The following ZNHIT6 variants were observed in gnomAD, a reference collection of about 807,000 sequenced individuals.
The protein encoded by ZNHIT6 is zinc finger HIT-type containing 6.
In ZNHIT6, 45 loss-of-function variants were observed where a neutral mutation model predicts 57.2. That is an observed-to-expected ratio of 0.79 (90% CI 0.62 to 1.01). The LOEUF is 1.01. ZNHIT6 is among the 50% of genes least tolerant of loss of function. The pLI is 0.00. For synonymous variants in ZNHIT6, 188 were observed against 190.0 expected (o/e 0.99, Z 0.09); for missense variants, 528 against 567.3 (o/e 0.93, Z 0.70).
At chr1:85,667,985 T>TATGC (rs1223836311) in intron 8 of ZNHIT6, among the ~76,000 whole-genome samples, 3 of 99,644 alleles carry the variant, frequency 3.0e-5, no homozygotes, top group Non-Finnish European at 5.8e-5. Context: ...TATATATATA[T>TATGC]GCTCTGCTTT....
At chr1:85,697,424 G>A (rs903811346) in intron 5 of ZNHIT6, among the ~76,000 whole-genome samples, 2 of 152,134 alleles carry the variant, frequency 1.3e-5, no homozygotes, top group Non-Finnish European at 2.9e-5. Context: ...CCACCTGGAT[G>A]TTATTTAGTA....
intron 8 of ZNHIT6, among the ~76,000 whole-genome samples, chr1:85,664,647 G>A (rs1011614964): frequency 6.6e-6 from 1 of 152,044 alleles, no homozygotes; most frequent in South Asian, 2.1e-4. Context: ...GGAGGGAAAG[G>A]AGCAGAAAGA....
At chr1:85,702,932 A>G (rs1662577970) in intron 4 of ZNHIT6, among the ~76,000 whole-genome samples, 1 of 152,200 alleles carries the variant, frequency 6.6e-6, no homozygotes, top group Admixed American at 6.5e-5. Context: ...TCACTCAAAT[A>G]AGAGGCAAAA....
rs1034357478 is a variant in ZNHIT6 at position 85,708,021 on chromosome 1, T to A, written c.264A>T (p.Thr88=). 3 of 1,614,180 alleles carry A rather than the reference T, an allele frequency of 1.9e-6. No individual in the cohort carries two copies. The highest frequency in any genetic ancestry group is 2.5e-6 in the Non-Finnish European group (3 of 1,180,034). The change falls in exon 1 of 10, where the codon ACA becomes ACT. Residue 88 remains threonine (T), a synonymous_variant. Transcript: ENST00000370574. The stretch of plus-strand genomic sequence containing the variant: ...CCCACTGGCCAGCCAACCTGCCTTC[T>A]GTACCTGGCCAGTCTATAATTTCCT... ...VKQEIIDWPG[T]EGRLAGQWVE...
chr1:85,689,385 G>A (rs907797243), intron 5 of ZNHIT6, among the ~76,000 whole-genome samples: 3 of 152,082 alleles, frequency 2.0e-5, no homozygotes, highest in Non-Finnish European at 4.4e-5. Context: ...CATGATAAGT[G>A]TTTTTTGGAA....
At chr1:85,695,108 C>CA (rs1480688645) in intron 5 of ZNHIT6, among the ~76,000 whole-genome samples, 6 of 151,804 alleles carry the variant, frequency 4.0e-5, no homozygotes, top group Non-Finnish European at 8.8e-5. Flanking sequence ...TACTAAAACA[C>CA]AAAAAAATTA....
chr1:85,684,607 A>G (rs1009426390), intron 5 of ZNHIT6, among the ~76,000 whole-genome samples: 2 of 152,200 alleles, frequency 1.3e-5, no homozygotes, highest in Admixed American at 6.5e-5. Context: ...AGGAAAATAA[A>G]TATTTTATAC....
intron 7 of ZNHIT6, among the ~76,000 whole-genome samples, chr1:85,677,911 A>G (rs551891852): frequency 5.9e-5 from 9 of 152,168 alleles, no homozygotes; most frequent in Non-Finnish European, 1.3e-4. Flanking sequence ...TCACACTCTA[A>G]TAACAATCTC....
Position 85,665,907 on chromosome 1 carries a change from T to C in ZNHIT6, c.1248-7936A>G, listed in dbSNP as rs551057061. ...GCAGGAACTTACAACCCAGTCTTTT[T>C]TGTCTTCCAGTTAAGTATACTGAAG... On this transcript the variant is annotated intron_variant, in intron 8 of 9. Coordinates refer to ENST00000370574, the MANE Select transcript of ZNHIT6 (RefSeq NM_017953.4). Among the ~76,000 whole-genome samples, 106 of 152,312 alleles carry C rather than the reference T, an allele frequency of 7.0e-4. 3 individuals are homozygous for C. The South Asian group carries it at 0.021, about 30-fold the overall frequency.
At chr1:85,679,569 T>TTG (rs1553156739) in intron 6 of ZNHIT6, among the ~76,000 whole-genome samples, 19 of 150,854 alleles carry the variant, frequency 1.3e-4, no homozygotes, top group Admixed American at 5.9e-4. Flanking sequence ...AAATGTTTTT[T>TTG]TTTTTTTTTT....
Position 85,667,961 on chromosome 1 carries a change from A to AAAAAAAAAAAAAAAATATGTAT in ZNHIT6, c.1247+9274_1247+9275insATACATATTTTTTTTTTTTTTT. 1.1e-4 allele frequency among the ~76,000 whole-genome samples: 2 copies of AAAAAAAAAAAAAAAATATGTAT among 18,200 alleles called. 1 individual carries two copies. Among genetic ancestry groups the AAAAAAAAAAAAAAAATATGTAT allele is most frequent in the African/African-American group, 4.2e-4 (2 of 4,706 alleles). 11.9% of individuals were successfully genotyped at this position (18,200 alleles called of 152,430 possible). On this transcript the variant is annotated intron_variant, in intron 8 of 9. Transcript: ENST00000370574. Reference sequence around the variant, plus strand: ...ACTCTCTCTTTCAAAAAAAAAAAAAAATATATATATATATATATATATATG... The same window carrying AAAAAAAAAAAAAAAATATGTAT: ...ACTCTCTCTTTCAAAAAAAAAAAAAAAAAAAAAAAAAAAAATATGTATATATATATATATATATATATATATG...
intron 5 of ZNHIT6, among the ~76,000 whole-genome samples, chr1:85,701,017 G>A (rs1351001315): frequency 6.6e-6 from 1 of 152,076 alleles, no homozygotes; most frequent in African/African-American, 2.4e-5. Context: ...ATGTTGCCCA[G>A]GCTGGTCTCA....
chr1:85,678,107 C>T (rs1012899944), intron 7 of ZNHIT6, among the ~76,000 whole-genome samples: 1 of 152,118 alleles, frequency 6.6e-6, no homozygotes, highest in Non-Finnish European at 1.5e-5. Flanking sequence ...GGGACAGAAA[C>T]AGCTATTTTA....
chr1:85,684,482 T>C (rs1297026649), intron 5 of ZNHIT6, among the ~76,000 whole-genome samples: 3 of 152,186 alleles, frequency 2.0e-5, no homozygotes, highest in African/African-American at 7.2e-5. Context: ...AGGGCTACTG[T>C]ATGCAACAGA....
chr1:85,667,960 A>AT (rs1323867548), intron 8 of ZNHIT6, among the ~76,000 whole-genome samples: 2 of 74,198 alleles, frequency 2.7e-5, no homozygotes, highest in African/African-American at 5.0e-5. Context: ...AAAAAAAAAA[A>AT]AATATATATA....
intron 9 of ZNHIT6, among the ~76,000 whole-genome samples, chr1:85,656,126 T>A (rs1203162865): frequency 6.6e-6 from 1 of 152,016 alleles, no homozygotes; most frequent in East Asian, 1.9e-4. Context: ...TATCTGATGC[T>A]GTGAGAATGT....
chr1:85,707,648 G>A lies in ZNHIT6; in HGVS notation c.637C>T (p.Arg213Trp), dbSNP rs1662726148. Reference protein sequence around the residue: ...PPINHPVGCKRKLAMSRCETC... With the variant: ...PPINHPVGCKWKLAMSRCETC... Reference sequence around the variant, plus strand: ...CCCTACCTTGACATGGCCAGTTTCCGCTTGCAGCCCACCGGGTGATTTATC... The same window carrying A: ...CCCTACCTTGACATGGCCAGTTTCCACTTGCAGCCCACCGGGTGATTTATC... Residue 213 changes from arginine (R) to tryptophan (W), a missense_variant, in exon 1 of 10, where the codon CGG becomes TGG. Coordinates refer to ENST00000370574, the MANE Select transcript of ZNHIT6 (RefSeq NM_017953.4). 2 of 1,552,008 alleles carry A rather than the reference G, an allele frequency of 1.3e-6. No individual in the cohort carries two copies. The highest frequency in any genetic ancestry group is 1.4e-5 in the African/African-American group (1 of 72,624).
Position 85,702,212 on chromosome 1 carries a change from G to T in ZNHIT6, c.964C>A (p.Leu322Ile). Reference sequence around the variant, plus strand: ...CTCTTGGTGAATCCATTGGGTAGAAGTTTTAAGTTAATACCTTGCCTCCGG... The same window carrying T: ...CTCTTGGTGAATCCATTGGGTAGAATTTTTAAGTTAATACCTTGCCTCCGG... ...RARRQGINLKLLPNGFTKRKE... is the reference protein window; with the variant it reads ...RARRQGINLKILPNGFTKRKE... Residue 322 changes from leucine to isoleucine, a missense_variant, in exon 5 of 10, where the codon CTT (leucine) becomes ATT (isoleucine). Leu to Ile is a conservative substitution (Grantham distance 5). Coordinates refer to ENST00000370574, the MANE Select transcript of ZNHIT6 (RefSeq NM_017953.4). The T allele has an allele frequency of 6.2e-7, 1 of 1,611,108 alleles. No homozygotes were observed. The highest frequency in any genetic ancestry group is 8.5e-7 in the Non-Finnish European group (1 of 1,179,140).
At chr1:85,689,291 T>C (rs995834687) in intron 5 of ZNHIT6, among the ~76,000 whole-genome samples, 1 of 152,228 alleles carries the variant, frequency 6.6e-6, no homozygotes, top group Non-Finnish European at 1.5e-5. Context: ...TTTTAAAATG[T>C]ATTCCAAGGT....
Sources: allele counts gnomAD v4.1 joint callset (sites outside exome capture counted in the v4.1 genomes callset), GRCh38; gene constraint gnomAD v4.1.1; transcripts MANE v1.5; gene names NCBI Gene and HGNC (gene_info 2026-07-23, HGNC 2026-07-21).